The following SLC49A3 variants were observed in gnomAD, a reference collection of about 807,000 sequenced individuals.
The protein encoded by SLC49A3 is solute carrier family 49 member A3.
In SLC49A3, 50 loss-of-function variants were observed where a neutral mutation model predicts 43.8. That is an observed-to-expected ratio of 1.14 (90% CI 0.91 to 1.45). The LOEUF (loss-of-function observed/expected upper bound fraction) is 1.45, where lower values mean the gene tolerates loss of function less well. Ranked by LOEUF, SLC49A3 falls within the 40% of genes most tolerant of loss-of-function variation. SLC49A3 has a pLI of 0.00. For missense variants in SLC49A3, 906 were observed against 774.1 expected (o/e 1.17, Z -2.02); for synonymous variants, 413 against 352.0 (o/e 1.17, Z -1.94).
intron 1 of SLC49A3, 194 bp downstream of exon 1, chr4:688,799 C>G: frequency 1.1e-6 from 1 of 871,182 alleles, no homozygotes; most frequent in Non-Finnish European, 1.6e-6. Flanking sequence ...CCCAGCCCTG[C>G]TCTGTGCCCT....
At chr4:681,224 C>G (rs1186021016), downstream of SLC49A3, 6 of 1,493,606 alleles carry the variant, frequency 4.0e-6, no homozygotes, top group South Asian at 3.6e-5. Context: ...ACGCGGAGCC[C>G]GAGGAGCAGC....
intron 1 of SLC49A3, among the ~76,000 whole-genome samples, chr4:687,568 G>C (rs554978484): frequency 8.5e-5 from 13 of 152,320 alleles, no homozygotes; most frequent in Admixed American, 6.5e-4. Flanking sequence ...CGAGCCCGCC[G>C]CTCCAGCCTC....
chr4:686,504 G>T, intron 2 of SLC49A3, 28 bp downstream of exon 2: 1 of 1,607,308 alleles, frequency 6.2e-7, no homozygotes. Context: ...CTGTCCCGGA[G>T]CGGGCCATGG....
At chr4:680,532 C>G (rs1249624834), downstream of SLC49A3, 2 of 1,613,542 alleles carry the variant, frequency 1.2e-6, no homozygotes, top group South Asian at 1.1e-5. Flanking sequence ...GGAGACCATT[C>G]TTAACGCCTT....
chr4:684,766 C>T lies in SLC49A3; in HGVS notation c.676G>A (p.Gly226Arg), dbSNP rs372527210. The T allele has an allele frequency of 1.1e-4, 172 of 1,612,176 alleles. No homozygotes were observed. Among genetic ancestry groups the T allele is most frequent in the African/African-American group, 7.2e-4 (54 of 75,010 alleles). Residue 226 changes from glycine (G) to arginine (R), a missense_variant, in exon 5 of 10, where the codon GGG becomes AGG. Coordinates refer to ENST00000322224, the MANE Select transcript of SLC49A3 (RefSeq NM_032219.4). Reference protein sequence around the residue: ...ESVPPTPPSAGAASSTSEKFL... With the variant: ...ESVPPTPPSARAASSTSEKFL... The stretch of plus-strand genomic sequence containing the variant: ...TTCTCTGAGGTGGAGCTGGCAGCCC[C>T]GGCAGAGGGCGGGGTGGGGGGCACA...
chr4:690,196 T>C (rs751146201), upstream of SLC49A3, among the ~76,000 whole-genome samples: 34 of 151,888 alleles, frequency 2.2e-4, no homozygotes, highest in Non-Finnish European at 4.6e-4. Flanking sequence ...GTGTCTCAGA[T>C]AGAGCTCTCC....
At chr4:688,472 C>T (rs1741478376) in intron 1 of SLC49A3, among the ~76,000 whole-genome samples, 1 of 152,188 alleles carries the variant, frequency 6.6e-6, no homozygotes, top group African/African-American at 2.4e-5. Context: ...TGACCAGTTC[C>T]TGAGGCTCCG....
At position 685,002 on chromosome 4, in the gene SLC49A3, C is replaced by G; in HGVS notation, c.586-146G>C. 8.7e-7 allele frequency: 1 copy of G among 1,151,108 alleles called. No individual in the cohort carries two copies. The highest frequency in any genetic ancestry group is 3.2e-5 in the Admixed American group (1 of 31,266). The allele number at this position is 1,151,108 out of a possible 1,614,324, so 71.3% of individuals were successfully genotyped here. On this transcript the variant is annotated intron_variant, in intron 4 of 9. Coordinates refer to ENST00000322224, the MANE Select transcript of SLC49A3 (RefSeq NM_032219.4). The surrounding 1 kb of genome is among the most constrained non-coding windows in gnomAD (Gnocchi z 4.3). ...ACCTCTGGTCTGCAGCTGCCCTTTGCGAGGCCCAGGCTGGGAGGGGCCTGC... is the reference window on the plus strand; with the variant it reads ...ACCTCTGGTCTGCAGCTGCCCTTTGGGAGGCCCAGGCTGGGAGGGGCCTGC...
intron 9 of SLC49A3, 37 bp from the exon 10 acceptor site, chr4:682,413 C>T (rs1739935456): frequency 3.0e-6 from 4 of 1,319,514 alleles, no homozygotes; most frequent in Non-Finnish European, 2.9e-6. Flanking sequence ...CACAGCCAAG[C>T]CCAGGGGCCA....
rs1378560371 is a variant in SLC49A3, at chr4:686,298, A to C, written c.299T>G (p.Ile100Ser). The C allele has an allele frequency of 1.2e-6, 2 of 1,612,968 alleles. No homozygotes were observed. The highest frequency in any genetic ancestry group is 4.5e-5 in the East Asian group (2 of 44,896). Residue 100 changes from isoleucine (I) to serine (S), a missense_variant, in exon 3 of 10, where the codon ATC becomes AGC. Physicochemically the swap from Ile to Ser is moderately radical, Grantham distance 142. Transcript: ENST00000322224. Reference sequence around the variant, plus strand: ...GGCAAAGTTCAGCCACGCACCCAGGATGGTCTGCGAGGAGGGGGTCGGGGA... The same window carrying C: ...GGCAAAGTTCAGCCACGCACCCAGGCTGGTCTGCGAGGAGGGGGTCGGGGA... Reference protein sequence around the residue: ...LDSVGLRAATILGAWLNFAGS... With the variant: ...LDSVGLRAATSLGAWLNFAGS...
Position 685,378 on chromosome 4 carries a change from C to T in SLC49A3, c.585+457G>A, listed in dbSNP as rs1740788493. On this transcript the variant is annotated intron_variant, in intron 4 of 9. Transcript: ENST00000322224. This position sits in a 1 kb window ranked among gnomAD's most constrained non-coding sequence, Gnocchi z 4.3. ...AGACACGCACCGCACACACCACACA[C>T]ACTCAATACACACAGGCAGGCATAG... Among the ~76,000 whole-genome samples, 1 of 151,626 alleles carries T rather than the reference C, an allele frequency of 6.6e-6. No individual in the cohort carries two copies. The highest frequency in any genetic ancestry group is 1.5e-5 in the Non-Finnish European group (1 of 67,902).
chr4:679,817 T>G, downstream of SLC49A3: 1 of 769,742 alleles, frequency 1.3e-6, no homozygotes, highest in Non-Finnish European at 2.1e-6. Context: ...CTCCCCACCC[T>G]TCCCATCTGC....
chr4:680,695 C>G (rs1255177746), downstream of SLC49A3: 1 of 1,142,346 alleles, frequency 8.8e-7, no homozygotes. Context: ...ACCTCCCCAC[C>G]TCTGACCAGC....
At chr4:678,209 T>C (rs534483918), downstream of SLC49A3, 5 of 1,511,894 alleles carry the variant, frequency 3.3e-6, no homozygotes, top group Admixed American at 8.0e-5. Flanking sequence ...TGTGTGACCT[T>C]GCGGGTGTGG....
chr4:681,059 T>G, downstream of SLC49A3: 5 of 1,573,832 alleles, frequency 3.2e-6, no homozygotes, highest in Non-Finnish European at 4.3e-6. Context: ...CACCCCCGCA[T>G]CAGCCCGCGC....
rs1315711845 is a variant in SLC49A3 at position 682,893 on chromosome 4, G to A, written c.1152-3C>T. ...TGATGAGTATTCCCTCGGCCTGCCT[G>A]GACACACGTGGCCCTCAGCCCCCGC... On this transcript the variant is annotated splice_region_variant and splice_polypyrimidine_tract_variant and intron_variant, in intron 8 of 9. Transcript: ENST00000322224. The A allele has an allele frequency of 2.5e-6, 4 of 1,582,672 alleles. No individual in the cohort carries two copies. Among genetic ancestry groups the A allele is most frequent in the Admixed American group, 1.7e-5 (1 of 58,368 alleles).
At chr4:688,567 C>G (rs988472478) in intron 1 of SLC49A3, among the ~76,000 whole-genome samples, 1 of 152,196 alleles carries the variant, frequency 6.6e-6, no homozygotes. Context: ...GGAACCCAGC[C>G]CAGCCCAGGA....
At chr4:678,294 C>T (rs1283968241), downstream of SLC49A3, 1 of 1,433,224 alleles carries the variant, frequency 7.0e-7, no homozygotes, top group African/African-American at 1.4e-5. Flanking sequence ...TGAGGGGGTT[C>T]CTGGCTTTCA....
At position 686,310 on chromosome 4, in the gene SLC49A3, G is replaced by A; in HGVS notation, c.295-8C>T. ...CCACGCACCCAGGATGGTCTGCGAG[G>A]AGGGGGTCGGGGACCGGGTCAGGAA... On this transcript the variant is annotated splice_polypyrimidine_tract_variant and splice_region_variant and intron_variant, in intron 2 of 9. Transcript: ENST00000322224. The A allele has an allele frequency of 6.2e-7, 1 of 1,612,726 alleles. No individual in the cohort carries two copies. The highest frequency in any genetic ancestry group is 1.3e-5 in the African/African-American group (1 of 75,056).
Sources: gnomAD v4.1 joint callset for allele counts (sites outside exome capture counted in the v4.1 genomes callset) on GRCh38, gnomAD v4.1.1 for gene constraint, Gnocchi (gnomAD v3.1) non-coding constraint, MANE v1.5 for transcripts, NCBI Gene and HGNC (gene_info 2026-07-23, HGNC 2026-07-21) for gene names.